SEC24B: variants seen among roughly 807,000 people sequenced by gnomAD.
The protein encoded by SEC24B is SEC24 homolog B, COPII component.
In SEC24B, 45 loss-of-function variants were observed where a neutral mutation model predicts 142.8. The observed-to-expected ratio is 0.32, with a 90% confidence interval of 0.25 to 0.40. The LOEUF is 0.40. Among genes scored for constraint, SEC24B ranks in the 10% least tolerant of loss-of-function variants. The pLI, the probability that SEC24B is intolerant of heterozygous loss-of-function variation, is 1.00. For missense variants in SEC24B, 1,409 were observed against 1,526.8 expected (o/e 0.92, Z 1.29); for synonymous variants, 574 against 568.2 (o/e 1.01, Z -0.15).
intron 10 of SEC24B, among the ~76,000 whole-genome samples, chr4:109,515,909 G>C (rs560135934): frequency 6.7e-6 from 1 of 148,790 alleles, no homozygotes; most frequent in Admixed American, 6.9e-5. Flanking sequence ...TTAGCTCTGC[G>C]TGGAGGCATG....
At position 109,494,872 on chromosome 4, in the gene SEC24B, T is replaced by C; in HGVS notation, c.1488+16T>C. On this transcript the variant is annotated intron_variant, in intron 6 of 23. Coordinates refer to ENST00000265175, the MANE Select transcript of SEC24B (RefSeq NM_006323.5). ...GTATCCTCAAGTATGTATTCAGTCATATACACACATTGTAACAGTTATAAA... is the reference window on the plus strand; with the variant it reads ...GTATCCTCAAGTATGTATTCAGTCACATACACACATTGTAACAGTTATAAA... 6.2e-7 allele frequency: 1 copy of C among 1,612,822 alleles called. No individual in the cohort carries two copies. Among genetic ancestry groups the C allele is most frequent in the Non-Finnish European group, 8.5e-7 (1 of 1,178,880 alleles).
At chr4:109,459,037 TTAC>T (rs1244765258) in intron 1 of SEC24B, among the ~76,000 whole-genome samples, 7 of 152,218 alleles carry the variant, frequency 4.6e-5, no homozygotes, top group African/African-American at 1.2e-4. Flanking sequence ...AGATGAATAA[TTAC>T]TACAAGAGTT....
intron 15 of SEC24B, 111 bp from the exon 16 acceptor site, chr4:109,525,235 T>C: frequency 1.1e-6 from 1 of 907,462 alleles, no homozygotes. Context: ...TTTTGATGGC[T>C]TAGGTTTTCT....
chr4:109,509,316 ACTTCTG>A (rs1317793337), intron 7 of SEC24B, among the ~76,000 whole-genome samples: 1 of 152,176 alleles, frequency 6.6e-6, no homozygotes, highest in Non-Finnish European at 1.5e-5. Context: ...GGCTTTCAGT[ACTTCTG>A]CTTTTTACTG....
chr4:109,515,520 G>GT (rs1223094337), intron 10 of SEC24B, among the ~76,000 whole-genome samples: 2 of 152,026 alleles, frequency 1.3e-5, no homozygotes. Context: ...TAGAGACAAG[G>GT]TTTTACCATG....
rs761720741 is a variant in SEC24B, at chr4:109,511,939, CTTTAT to C, written c.1777-10_1777-6del. 207 of 1,609,420 alleles carry C rather than the reference CTTTAT, an allele frequency of 1.3e-4. No homozygotes were observed. The highest frequency in any genetic ancestry group is 1.6e-4 in the Non-Finnish European group (192 of 1,178,894). ...GGGGTGCCTTTTTCTGCTACAGCTT[CTTTAT>C]TTTATTTCCTAGCAATTACCAGTGA... On this transcript the variant is annotated splice_polypyrimidine_tract_variant and intron_variant, in intron 8 of 23. Coordinates refer to ENST00000265175, the MANE Select transcript of SEC24B (RefSeq NM_006323.5).
chr4:109,437,727 C>T (rs934049419), intron 1 of SEC24B, among the ~76,000 whole-genome samples: 9 of 152,058 alleles, frequency 5.9e-5, no homozygotes, highest in Non-Finnish European at 8.8e-5. Flanking sequence ...TGGGTTCAAG[C>T]GATTCTCCTG....
intron 1 of SEC24B, among the ~76,000 whole-genome samples, chr4:109,449,766 A>ACAC (rs1236588291): frequency 6.6e-6 from 1 of 152,090 alleles, no homozygotes; most frequent in African/African-American, 2.4e-5. Flanking sequence ...CCACCTCCTA[A>ACAC]CACCATCACA....
intron 9 of SEC24B, among the ~76,000 whole-genome samples, chr4:109,513,213 T>C (rs1737556706): frequency 1.3e-5 from 2 of 151,548 alleles, no homozygotes; most frequent in African/African-American, 4.8e-5. Flanking sequence ...GACCTCGTGA[T>C]CTTCCCCGCC....
rs1722952931 is a variant in SEC24B at position 109,516,581 on chromosome 4, T to A, written c.2067T>A (p.Asn689Lys). The A allele has an allele frequency of 6.2e-7, 1 of 1,613,322 alleles. No individual in the cohort carries two copies. Among genetic ancestry groups the A allele is most frequent in the Non-Finnish European group, 8.5e-7 (1 of 1,179,626 alleles). Residue 689 changes from asparagine to lysine, a missense_variant, in exon 11 of 24, where the codon AAT (asparagine) becomes AAA (lysine). By Grantham distance (94) the Asn-to-Lys change is moderately conservative. Coordinates refer to ENST00000265175, the MANE Select transcript of SEC24B (RefSeq NM_006323.5). ...TGTTTGTTTTAGATGTGTCTCATAA[T>A]GCAGTGGAAGCTGGATATTTGACAA... The part of the protein sequence containing the change: ...VYLFVLDVSH[N>K]AVEAGYLTIL...
rs112481587 is a variant in SEC24B at position 109,513,265 on chromosome 4, C to T, written c.1904-482C>T. On this transcript the variant is annotated intron_variant, in intron 9 of 23. Coordinates refer to ENST00000265175, the MANE Select transcript of SEC24B (RefSeq NM_006323.5). ...CTGGGATTATAGGTGTGAGCCACTGCGCCTGGCCCCCTGATTATTATTTTT... is the reference window on the plus strand; with the variant it reads ...CTGGGATTATAGGTGTGAGCCACTGTGCCTGGCCCCCTGATTATTATTTTT... 4.5e-3 allele frequency among the ~76,000 whole-genome samples: 660 copies of T among 147,194 alleles called. 7 individuals are homozygous for T. The highest frequency in any genetic ancestry group is 7.1e-3 in the Non-Finnish European group (482 of 67,418).
At chr4:109,516,992 G>GT (rs1723005554) in intron 11 of SEC24B, among the ~76,000 whole-genome samples, 1 of 152,174 alleles carries the variant, frequency 6.6e-6, no homozygotes, top group South Asian at 2.1e-4. Context: ...TGGTGAGGAT[G>GT]TGGAGAAAAG....
chr4:109,532,534 C>T, intron 20 of SEC24B, 105 bp from the exon 21 acceptor site: 1 of 788,022 alleles, frequency 1.3e-6, no homozygotes, highest in Non-Finnish European at 2.1e-6. Context: ...TGCAAAACTC[C>T]CAAGTGTTAT....
chr4:109,533,057 C>T (rs1725102520), intron 21 of SEC24B, among the ~76,000 whole-genome samples: 2 of 152,112 alleles, frequency 1.3e-5, no homozygotes, highest in African/African-American at 4.8e-5. Flanking sequence ...TATTTAGGGA[C>T]TTTACCATCT....
rs542745305 is a variant in SEC24B, at chr4:109,475,542, A to AT, written c.1060+2364dup. ...AATTTTTGTTTGGGTAGCCCCTAAA[A>AT]TTTTTTTTATAAACTACCTACTTGA... On this transcript the variant is annotated intron_variant, in intron 3 of 23. Coordinates refer to ENST00000265175, the MANE Select transcript of SEC24B (RefSeq NM_006323.5). Among the ~76,000 whole-genome samples the AT allele has an allele frequency of 4.6e-5, 7 of 152,154 alleles. No homozygotes were observed. The South Asian group carries it at 1.0e-3, about 23-fold the overall frequency.
intron 2 of SEC24B, among the ~76,000 whole-genome samples, chr4:109,472,134 C>T (rs919912808): frequency 1.3e-5 from 2 of 152,142 alleles, no homozygotes; most frequent in Non-Finnish European, 2.9e-5. Flanking sequence ...CTATTTGTTT[C>T]AGTCTCAGAA....
chr4:109,501,672 A>G (rs1054163352), intron 6 of SEC24B, among the ~76,000 whole-genome samples: 13 of 152,128 alleles, frequency 8.5e-5, no homozygotes, highest in Non-Finnish European at 1.6e-4. Context: ...GGGCTTTACC[A>G]TGTTGGCCAG....
At chr4:109,484,875 T>G (rs1214963391) in intron 4 of SEC24B, among the ~76,000 whole-genome samples, 2 of 151,856 alleles carry the variant, frequency 1.3e-5, no homozygotes, top group African/African-American at 4.8e-5. Flanking sequence ...AAAAAAAGAT[T>G]TAGCATTTAT....
At chr4:109,518,011 A>G (rs1172529109) in intron 11 of SEC24B, among the ~76,000 whole-genome samples, 3 of 151,804 alleles carry the variant, frequency 2.0e-5, no homozygotes, top group Admixed American at 6.6e-5. Flanking sequence ...TCTGTTGCCC[A>G]GGCTGGAGTG....
Sources: gnomAD v4.1 joint callset for allele counts (sites outside exome capture counted in the v4.1 genomes callset) on GRCh38, gnomAD v4.1.1 for gene constraint, MANE v1.5 for transcripts, NCBI Gene and HGNC (gene_info 2026-07-23, HGNC 2026-07-21) for gene names.